The following NADK variants were observed in gnomAD, a reference collection of about 807,000 sequenced individuals.
NADK encodes the protein poly(P)/ATP NAD kinase.
Under a neutral mutation model 49.8 loss-of-function variants are expected in NADK, and 22 were observed. The observed-to-expected ratio is 0.44, with a 90% CI of 0.32 to 0.63. The LOEUF is 0.63. NADK is among the 30% of genes least tolerant of loss of function. NADK has a pLI of 0.06. For missense variants in NADK, 438 were observed against 609.4 expected (o/e 0.72, Z 2.96); for synonymous variants, 268 against 253.7 (o/e 1.06, Z -0.54).
intron 1 of NADK, among the ~76,000 whole-genome samples, chr1:1,771,055 A>AAAAT (rs771570019): frequency 6.5e-4 from 86 of 132,076 alleles, no homozygotes; most frequent in African/African-American, 2.3e-3. Context: ...AAAAAAAAAA[A>AAAAT]ATATATATAT....
At chr1:1,755,115 G>T (rs534089269) in intron 7 of NADK, among the ~76,000 whole-genome samples, 1 of 152,244 alleles carries the variant, frequency 6.6e-6, no homozygotes, top group East Asian at 1.9e-4. Flanking sequence ...CACCGCGCCC[G>T]GCCGACACTT....
intron 2 of NADK, among the ~76,000 whole-genome samples, chr1:1,762,688 T>C (rs1000828143): frequency 2.0e-5 from 3 of 151,770 alleles, no homozygotes; most frequent in African/African-American, 4.8e-5. Flanking sequence ...ACCCAGGAGG[T>C]GGTGGTTGCA....
At position 1,759,197 on chromosome 1, in the gene NADK, C is replaced by T. The variant is rs545225553; in HGVS notation, c.264-1887G>A. ...GTCGTACACCGGCCCAGGCACCCACCGCTGTGTGTGACCACAAACCAGCGC... is the reference window on the plus strand; with the variant it reads ...GTCGTACACCGGCCCAGGCACCCACTGCTGTGTGTGACCACAAACCAGCGC... On this transcript the variant is annotated intron_variant, in intron 3 of 11. Transcript: ENST00000341426. 52 of 1,572,314 alleles carry T rather than the reference C, an allele frequency of 3.3e-5. No homozygotes were observed. In the East Asian group the frequency reaches 3.6e-4, roughly 11 times the overall value.
chr1:1,758,618 T>C, intron 3 of NADK: 1 of 1,452,770 alleles, frequency 6.9e-7, no homozygotes, highest in Non-Finnish European at 9.1e-7. Context: ...TGATGAGACT[T>C]GGTAAAGTTG....
Position 1,776,304 on chromosome 1 carries a change from G to A in NADK, c.-41+1985C>T, listed in dbSNP as rs569946242. ...GCTCTTGACTTGGCCAACTTTCTGG[G>A]ACACCCTCACTACAAGGATTTATGA... On this transcript the variant is annotated intron_variant, in intron 1 of 11. Transcript: ENST00000341426. Among the ~76,000 whole-genome samples, 20 of 152,244 alleles carry A rather than the reference G, an allele frequency of 1.3e-4. No individual in the cohort carries two copies. In the South Asian group the frequency reaches 2.5e-3, roughly 19 times the overall value.
intron 1 of NADK, among the ~76,000 whole-genome samples, chr1:1,768,610 G>A (rs947419656): frequency 6.6e-6 from 1 of 152,134 alleles, no homozygotes; most frequent in Non-Finnish European, 1.5e-5. Context: ...CCCTCACTGG[G>A]CACAAAAGTA....
chr1:1,759,913 C>T (rs562543234), intron 3 of NADK: 12 of 1,550,430 alleles, frequency 7.7e-6, no homozygotes, highest in Admixed American at 2.0e-5. Flanking sequence ...CTGCCAGGAC[C>T]AGGAAGTGCA....
At chr1:1,756,096 C>T (rs944623020) in intron 6 of NADK, 162 bp downstream of exon 6, 14 of 681,158 alleles carry the variant, frequency 2.1e-5, no homozygotes, top group African/African-American at 5.4e-5. Flanking sequence ...GCCCCACCGT[C>T]GCACCCCACC....
intron 1 of NADK, among the ~76,000 whole-genome samples, chr1:1,768,734 A>G (rs1475902657): frequency 6.6e-6 from 1 of 152,208 alleles, no homozygotes; most frequent in Non-Finnish European, 1.5e-5. Flanking sequence ...GAGCTCTGAG[A>G]ACAAACATTT....
At chr1:1,761,865 C>T in intron 3 of NADK, 87 bp downstream of exon 3, 3 of 1,251,546 alleles carry the variant, frequency 2.4e-6, no homozygotes, top group East Asian at 4.7e-5. Flanking sequence ...CGAGGACTCC[C>T]CCATCCCATG....
rs778420580 is a variant in NADK, at chr1:1,754,499, G to T, written c.843+45C>A. On this transcript the variant is annotated intron_variant, in intron 8 of 11. Transcript: ENST00000341426. The surrounding 1 kb of genome is among the most constrained non-coding windows in gnomAD (Gnocchi z 4.3). ...GGTCCTCATCCCTGGGACCGAAGTC[G>T]CCCCACCCTGGGCCCCTCACCGAGG... The T allele has an allele frequency of 2.1e-6, 1 of 468,056 alleles. No individual in the cohort carries two copies. Among genetic ancestry groups the T allele is most frequent in the African/African-American group, 1.8e-5 (1 of 56,442 alleles). The allele number at this position is 468,056 out of a possible 1,614,324, so 29.0% of individuals were successfully genotyped here. A position where few individuals can be genotyped will look rare whatever the true frequency, so the allele number is the denominator to read the frequency against.
intron 3 of NADK, among the ~76,000 whole-genome samples, chr1:1,758,130 C>T (rs1432191465): frequency 1.3e-5 from 2 of 152,342 alleles, no homozygotes; most frequent in East Asian, 1.9e-4. Flanking sequence ...CAGCGCTCAC[C>T]GCCTATCCTC....
chr1:1,756,774 A>G, intron 4 of NADK, 166 bp from the exon 5 acceptor site: 1 of 1,200,492 alleles, frequency 8.3e-7, no homozygotes, highest in East Asian at 2.3e-5. Context: ...AGGAGGAAGC[A>G]GGACCTTTAA....
At chr1:1,773,723 T>TGAGAGAGAGAGA (rs1274598825) in intron 1 of NADK, among the ~76,000 whole-genome samples, 1 of 134,790 alleles carries the variant, frequency 7.4e-6, no homozygotes, top group African/African-American at 2.9e-5. Flanking sequence ...TGTGTGTGTG[T>TGAGAGAGAGAGA]GTGTGTGAGA....
intron 1 of NADK, among the ~76,000 whole-genome samples, chr1:1,775,513 TG>T (rs1343585890): frequency 4.6e-5 from 7 of 152,296 alleles, no homozygotes; most frequent in African/African-American, 1.4e-4. Flanking sequence ...TTCTGGAAAG[TG>T]CTACAGCCAT....
upstream of NADK, among the ~76,000 whole-genome samples, chr1:1,778,947 G>C (rs1646297132): frequency 6.6e-6 from 1 of 152,254 alleles, no homozygotes; most frequent in Admixed American, 6.5e-5. This position sits in a 1 kb window ranked among gnomAD's most constrained non-coding sequence, Gnocchi z 4.9. Context: ...CTAATTACCG[G>C]GCTGTGACAC....
chr1:1,762,759 AAATGAATGAATGAATGAATG>A lies in NADK; in HGVS notation c.180-744_180-725del, dbSNP rs145189624. Among the ~76,000 whole-genome samples the A allele has an allele frequency of 2.0e-5, 3 of 149,064 alleles. No individual in the cohort carries two copies. The South Asian group carries it at 6.3e-4, about 31-fold the overall frequency. Reference sequence around the variant, plus strand: ...CTGAAAAAAGTGAAACTCTGTCTCAAAATGAATGAATGAATGAATGAATGAATGAATGAATAAAAGACGCC... The same window carrying A: ...CTGAAAAAAGTGAAACTCTGTCTCAAAATGAATGAATGAATAAAAGACGCC... On this transcript the variant is annotated intron_variant, in intron 2 of 11. Transcript: ENST00000341426.
At chr1:1,769,425 C>T (rs1198046504) in intron 1 of NADK, among the ~76,000 whole-genome samples, 1 of 152,164 alleles carries the variant, frequency 6.6e-6, no homozygotes, top group African/African-American at 2.4e-5. Context: ...GTGGTGGGCG[C>T]CTACACTCCC....
At position 1,771,569 on chromosome 1, in the gene NADK, C is replaced by T. The variant is rs61774981; in HGVS notation, c.-40-6123G>A. Among the ~76,000 whole-genome samples, 636 of 152,254 alleles carry T rather than the reference C, an allele frequency of 4.2e-3. 5 individuals carry two copies. Among genetic ancestry groups the T allele is most frequent in the South Asian group, 0.011 (53 of 4,824 alleles). ...ACAGGACGGCCAGCCCAAAGGTAGA[C>T]GCCACAGACCCTCACACACATGCAG... On this transcript the variant is annotated intron_variant, in intron 1 of 11. Coordinates refer to ENST00000341426, the MANE Select transcript of NADK (RefSeq NM_023018.5).
Sources: gnomAD v4.1 joint callset for allele counts (sites outside exome capture counted in the v4.1 genomes callset) on GRCh38, gnomAD v4.1.1 for gene constraint, Gnocchi (gnomAD v3.1) non-coding constraint, MANE v1.5 for transcripts, NCBI Gene and HGNC (gene_info 2026-07-23, HGNC 2026-07-21) for gene names.